THSD4: variants seen among roughly 807,000 people sequenced by gnomAD.
THSD4 encodes the protein thrombospondin type 1 domain containing 4.
In THSD4, 69 loss-of-function variants were observed where a neutral mutation model predicts 119.0. The observed-to-expected ratio is 0.58, with a 90% confidence interval of 0.48 to 0.71. The LOEUF is 0.71. Ranked by LOEUF, THSD4 falls within the 30% of genes least tolerant of loss-of-function variation. The probability of loss-of-function intolerance (pLI) is 0.00; values close to 1 mark genes in which losing one functional copy is unlikely to be tolerated. For synonymous variants in THSD4, 524 were observed against 540.4 expected (o/e 0.97, Z 0.42); for missense variants, 1,393 against 1,391.1 (o/e 1.00, Z -0.02).
chr15:71,500,350 G>A (rs1428210142), intron 7 of THSD4, among the ~76,000 whole-genome samples: 1 of 152,132 alleles, frequency 6.6e-6, no homozygotes, highest in Non-Finnish European at 1.5e-5. Context: ...TGAGTTGTAA[G>A]AGTGTTTCGT....
chr15:71,758,152 T>C (rs891948663), intron 15 of THSD4, 77 bp downstream of exon 15: 122 of 1,451,838 alleles, frequency 8.4e-5, no homozygotes, highest in Non-Finnish European at 1.0e-4. Context: ...AACCAGGACT[T>C]TGTGTCAGGT....
chr15:71,160,604 A>G (rs1307937330), intron 3 of THSD4, among the ~76,000 whole-genome samples: 1 of 151,966 alleles, frequency 6.6e-6, no homozygotes, highest in Non-Finnish European at 1.5e-5. Flanking sequence ...TTATTGGTGT[A>G]TAGTTGTTCA....
chr15:71,741,704 C>CACAT (rs1201396560), intron 11 of THSD4, among the ~76,000 whole-genome samples: 1 of 151,228 alleles, frequency 6.6e-6, no homozygotes, highest in African/African-American at 2.5e-5. Flanking sequence ...CACACACACA[C>CACAT]ACACACACAC....
intron 7 of THSD4, among the ~76,000 whole-genome samples, chr15:71,558,192 G>A (rs1193485655): frequency 6.6e-6 from 1 of 152,116 alleles, no homozygotes; most frequent in African/African-American, 2.4e-5. Flanking sequence ...ACCAGGCATG[G>A]TGGCTGGCAT....
chr15:71,208,481 T>TC (rs1334468450), intron 3 of THSD4, among the ~76,000 whole-genome samples: 1 of 149,874 alleles, frequency 6.7e-6, no homozygotes, highest in Non-Finnish European at 1.5e-5. Context: ...AGGTGCTGTT[T>TC]CTTTTTCTTT....
intron 6 of THSD4, among the ~76,000 whole-genome samples, chr15:71,374,593 C>T (rs1281398704): frequency 6.6e-6 from 1 of 152,166 alleles, no homozygotes; most frequent in Non-Finnish European, 1.5e-5. Context: ...CTCATCAGAG[C>T]TCTGGGTCTC....
rs2044165392 is a variant in THSD4, at chr15:71,242,882, C to G, written c.698C>G (p.Ser233Cys). Residue 233 changes from serine to cysteine, a missense_variant, in exon 5 of 18, where the codon TCT becomes TGT. Ser to Cys is a moderately radical substitution (Grantham distance 112). Transcript: ENST00000261862. ...TACCAAAGTGACAGTGGCCCTCGCT[C>G]TGGACTGCAGGCTGCGGAGGCCCCC... ...PLYQSDSGPRSGLQAAEAPIY... is the reference protein window; with the variant it reads ...PLYQSDSGPRCGLQAAEAPIY... 6.2e-7 allele frequency: 1 copy of G among 1,614,090 alleles called. No individual in the cohort carries two copies. Among genetic ancestry groups the G allele is most frequent in the Admixed American group, 1.7e-5 (1 of 59,988 alleles).
chr15:71,287,649 T>C (rs954309379), intron 6 of THSD4, among the ~76,000 whole-genome samples: 4 of 152,164 alleles, frequency 2.6e-5, no homozygotes, highest in East Asian at 1.9e-4. Context: ...GTGAGGCAAA[T>C]GTAACTTGCT....
chr15:71,370,493 A>C (rs2046029397), intron 6 of THSD4, among the ~76,000 whole-genome samples: 1 of 152,006 alleles, frequency 6.6e-6, no homozygotes, highest in South Asian at 2.1e-4. Flanking sequence ...CTTTGTTCTC[A>C]TTGGTTTCAA....
At chr15:71,379,551 A>T (rs2046200581) in intron 6 of THSD4, among the ~76,000 whole-genome samples, 1 of 133,314 alleles carries the variant, frequency 7.5e-6, no homozygotes, top group African/African-American at 2.8e-5. Context: ...CTCCGCCTCC[A>T]GGGTTCACGC....
chr15:71,656,575 G>A (rs1213653691), intron 7 of THSD4, among the ~76,000 whole-genome samples: 1 of 152,138 alleles, frequency 6.6e-6, no homozygotes, highest in East Asian at 1.9e-4. Flanking sequence ...TGGTAACTAT[G>A]CTTTGAACTT....
chr15:71,369,288 G>A (rs1294362207), intron 6 of THSD4, among the ~76,000 whole-genome samples: 1 of 152,094 alleles, frequency 6.6e-6, no homozygotes, highest in Non-Finnish European at 1.5e-5. Flanking sequence ...TCTCCTGCCT[G>A]ATTGCCCTGG....
At chr15:71,258,764 A>T (rs954770007) in intron 6 of THSD4, among the ~76,000 whole-genome samples, 4 of 152,088 alleles carry the variant, frequency 2.6e-5, no homozygotes, top group African/African-American at 9.7e-5. Flanking sequence ...ATGTGACCTT[A>T]TTTGGAAATA....
intron 6 of THSD4, among the ~76,000 whole-genome samples, chr15:71,276,436 T>C (rs2044591202): frequency 6.6e-6 from 1 of 152,194 alleles, no homozygotes; most frequent in South Asian, 2.1e-4. Flanking sequence ...GGTTAATGAG[T>C]CATAACGCGC....
At chr15:71,104,407 T>G (rs1198664995) in intron 1 of THSD4, among the ~76,000 whole-genome samples, 3 of 152,186 alleles carry the variant, frequency 2.0e-5, no homozygotes, top group South Asian at 2.1e-4. Flanking sequence ...ATCAGCTGCA[T>G]GCCCTACGAT....
chr15:71,608,222 C>CAA (rs1220559216), intron 7 of THSD4, among the ~76,000 whole-genome samples: 1,967 of 46,494 alleles, frequency 0.042, 61 homozygotes, highest in African/African-American at 0.1. Flanking sequence ...AACTCTGTCT[C>CAA]AAAAAAAAAA....
At chr15:71,412,724 A>G (rs114499096) in intron 7 of THSD4, among the ~76,000 whole-genome samples, 30 of 152,290 alleles carry the variant, frequency 2.0e-4, no homozygotes, top group African/African-American at 7.2e-4. Context: ...GTTATTTGTG[A>G]GCACAACCTA....
intron 7 of THSD4, among the ~76,000 whole-genome samples, chr15:71,604,753 T>A (rs999529066): frequency 6.6e-6 from 1 of 152,096 alleles, no homozygotes; most frequent in African/African-American, 2.4e-5. Context: ...ATACAAAATG[T>A]CACTTGTAAT....
intron 6 of THSD4, chr15:71,348,331 C>T (rs1048843774): frequency 1.3e-5 from 2 of 152,210 alleles, no homozygotes; most frequent in Admixed American, 6.5e-5. Flanking sequence ...TGCGATTCTG[C>T]ATTTTAATGA....
Sources: allele counts gnomAD v4.1 joint callset (sites outside exome capture counted in the v4.1 genomes callset), GRCh38; gene constraint gnomAD v4.1.1; transcripts MANE v1.5; gene names NCBI Gene and HGNC (gene_info 2026-07-23, HGNC 2026-07-21).